The following RYR2 variants were observed in gnomAD, a reference collection of about 807,000 sequenced individuals.
RYR2 encodes ryanodine receptor 2, also known as cardiac muscle ryanodine receptor-calcium release channel.
Under a neutral mutation model 601.1 loss-of-function variants are expected in RYR2, and 227 were observed. That is an observed-to-expected ratio of 0.38 (90% CI 0.34 to 0.42). RYR2 has a LOEUF of 0.42. Ranked by LOEUF, RYR2 falls within the 10% of genes least tolerant of loss-of-function variation. The pLI is 1.00. For missense variants in RYR2, 4,646 were observed against 6,156.5 expected (o/e 0.75, Z 8.21); for synonymous variants, 2,223 against 2,175.1 (o/e 1.02, Z -0.61).
chr1:237,454,634 G>T (rs539227142), intron 15 of RYR2, 60 bp downstream of exon 15: 2 of 1,549,674 alleles, frequency 1.3e-6, no homozygotes, highest in South Asian at 1.2e-5. Flanking sequence ...CAGCTTCTTG[G>T]TTGGGAAAAT....
In RYR2 at chr1:237,617,320, A is replaced by G. The variant is rs777782696; in HGVS notation, c.5750A>G (p.Gln1917Arg). The change falls in exon 38 of 105, where the codon CAG becomes CGG. Residue 1917 changes from glutamine to arginine, a missense_variant. Physicochemically the swap from Gln to Arg is conservative, Grantham distance 43 (BLOSUM62 1). Transcript: ENST00000366574. ...CTGCTTCAGTACCTCTGTGACTGCCAGGTCCGGCACCGGATAGAAGCCATT... is the reference window on the plus strand; with the variant it reads ...CTGCTTCAGTACCTCTGTGACTGCCGGGTCCGGCACCGGATAGAAGCCATT... ...CLLLQYLCDC[Q>R]VRHRIEAIVA... The G allele has an allele frequency of 2.5e-6, 4 of 1,613,528 alleles. No homozygotes were observed. The African/African-American group carries it at 5.3e-5, about 22-fold the overall frequency.
At chr1:237,723,367 G>A in intron 74 of RYR2, 105 bp downstream of exon 74, 1 of 768,904 alleles carries the variant, frequency 1.3e-6, no homozygotes, top group Non-Finnish European at 2.1e-6. Flanking sequence ...AAACATATAT[G>A]TTCAGCATAT....
chr1:237,600,163 C>G (rs968138253), intron 34 of RYR2, among the ~76,000 whole-genome samples: 1 of 152,108 alleles, frequency 6.6e-6, no homozygotes, highest in Non-Finnish European at 1.5e-5. Context: ...AAACATCACA[C>G]TAACTGAGTT....
At chr1:237,564,038 A>G (rs1930310) in intron 27 of RYR2, among the ~76,000 whole-genome samples, 79,863 of 152,034 alleles carry the variant, frequency 0.53, 23,049 homozygotes, top group Admixed American at 0.66. Flanking sequence ...AAATATCAAC[A>G]TAATTAAAAA....
chr1:237,757,294 A>T (rs527582681), intron 81 of RYR2, among the ~76,000 whole-genome samples: 1 of 152,198 alleles, frequency 6.6e-6, no homozygotes, highest in Non-Finnish European at 1.5e-5. Context: ...AAAGTTCTTC[A>T]TATATAATAC....
chr1:237,636,422 C>G (rs1186943899), intron 44 of RYR2, among the ~76,000 whole-genome samples: 3 of 152,178 alleles, frequency 2.0e-5, no homozygotes. Flanking sequence ...TGAAGTCTTG[C>G]ATCTCTGAGA....
At position 237,636,076 on chromosome 1, in the gene RYR2, T is replaced by C. The variant is rs149600679; in HGVS notation, c.6792+1084T>C. 4.2e-3 allele frequency among the ~76,000 whole-genome samples: 636 copies of C among 152,296 alleles called. 12 individuals are homozygous for C. Among genetic ancestry groups the C allele is most frequent in the Admixed American group, 0.038 (575 of 15,298 alleles). On this transcript the variant is annotated intron_variant, in intron 44 of 104. Transcript: ENST00000366574. ...TCCTTTACTGCTTTATTTTCAACTA[T>C]TGGAAATGTAAATATTTGTATATTC...
At chr1:237,633,426 C>T (rs746986355) in intron 42 of RYR2, among the ~76,000 whole-genome samples, 152 bp from the exon 43 acceptor site, 4 of 152,188 alleles carry the variant, frequency 2.6e-5, no homozygotes, top group East Asian at 1.9e-4. Context: ...CGAGGCAAAT[C>T]GTAGTCTGCA....
intron 1 of RYR2, among the ~76,000 whole-genome samples, chr1:237,238,067 A>C (rs72764084): frequency 2.7e-5 from 4 of 150,498 alleles, no homozygotes; most frequent in African/African-American, 9.8e-5. Flanking sequence ...TGATCCTCCC[A>C]TCTCAGCCTC....
intron 3 of RYR2, among the ~76,000 whole-genome samples, chr1:237,345,869 G>C (rs1383917928): frequency 6.6e-6 from 1 of 151,218 alleles, no homozygotes; most frequent in Non-Finnish European, 1.5e-5. Context: ...TATTCTTCTT[G>C]ACTATTTATC....
intron 4 of RYR2, among the ~76,000 whole-genome samples, chr1:237,356,663 G>T (rs1468842532): frequency 6.6e-6 from 1 of 151,966 alleles, no homozygotes; most frequent in Non-Finnish European, 1.5e-5. Context: ...CACAAGTTGT[G>T]CAAAAAGTTA....
intron 5 of RYR2, 137 bp from the exon 6 acceptor site, chr1:237,369,397 T>C (rs1213629810): frequency 1.3e-6 from 1 of 745,182 alleles, no homozygotes; most frequent in Non-Finnish European, 2.4e-6. Flanking sequence ...AACAGCACTT[T>C]GCTTGTCTGC....
rs139790821 is a variant in RYR2, at chr1:237,211,086, G to A, written c.49-59411G>A. On this transcript the variant is annotated intron_variant, in intron 1 of 104. Coordinates refer to ENST00000366574, the MANE Select transcript of RYR2 (RefSeq NM_001035.3). Reference sequence around the variant, plus strand: ...AATCTCAGCCTGTGCCCTGGATACCGCTTAGGTTATTGGATGGCATTACTA... The same window carrying A: ...AATCTCAGCCTGTGCCCTGGATACCACTTAGGTTATTGGATGGCATTACTA... Among the ~76,000 whole-genome samples, 1,297 of 152,260 alleles carry A rather than the reference G, an allele frequency of 8.5e-3. 20 individuals carry two copies. The highest frequency in any genetic ancestry group is 0.028 in the African/African-American group (1,160 of 41,542).
intron 1 of RYR2, among the ~76,000 whole-genome samples, chr1:237,122,050 A>AT (rs749022838): frequency 2.0e-5 from 3 of 152,164 alleles, no homozygotes; most frequent in Non-Finnish European, 4.4e-5. Flanking sequence ...TGGGCTCAAC[A>AT]TTTTTTATCA....
intron 1 of RYR2, among the ~76,000 whole-genome samples, chr1:237,125,137 G>C (rs534031297): frequency 6.6e-6 from 1 of 152,264 alleles, no homozygotes; most frequent in African/African-American, 2.4e-5. Context: ...GTAACAATGA[G>C]TTTTGAATAA....
At chr1:237,464,406 G>C (rs1171298444) in intron 16 of RYR2, among the ~76,000 whole-genome samples, 1 of 106,684 alleles carries the variant, frequency 9.4e-6, no homozygotes, top group Non-Finnish European at 2.3e-5. Context: ...TTGAGCATTT[G>C]TGATTTTTTT....
intron 1 of RYR2, among the ~76,000 whole-genome samples, chr1:237,247,688 A>G (rs1686997689): frequency 6.6e-6 from 1 of 152,184 alleles, no homozygotes; most frequent in South Asian, 2.1e-4. Context: ...CATTTTGCAG[A>G]ACAAAGACCA....
rs1690688441 is a variant in RYR2, at chr1:237,279,964, G to A, written c.168+9348G>A. Among the ~76,000 whole-genome samples the A allele has an allele frequency of 4.6e-5, 7 of 152,112 alleles. No individual in the cohort carries two copies. In the South Asian group the frequency reaches 1.5e-3, roughly 32 times the overall value. On this transcript the variant is annotated intron_variant, in intron 2 of 104. Coordinates refer to ENST00000366574, the MANE Select transcript of RYR2 (RefSeq NM_001035.3). ...GAAACAGTATTGTTGATTTTTATCA[G>A]GTTTCCAAAAAGGAAGCTGGGCCTT...
intron 92 of RYR2, 106 bp downstream of exon 92, chr1:237,788,241 C>T: frequency 1.3e-6 from 1 of 787,908 alleles, no homozygotes; most frequent in Non-Finnish European, 2.0e-6. Context: ...GTTAGGGAAC[C>T]AGGTTAGTCC....
Sources: allele counts gnomAD v4.1 joint callset (sites outside exome capture counted in the v4.1 genomes callset), GRCh38; gene constraint gnomAD v4.1.1; transcripts MANE v1.5; gene names NCBI Gene and HGNC (gene_info 2026-07-23, HGNC 2026-07-21).